MAGEB6: variants seen among roughly 807,000 people sequenced by gnomAD.
MAGEB6 encodes melanoma-associated antigen B6.
For missense variants in MAGEB6, 327 were observed against 329.7 expected, an observed-to-expected ratio of 0.99 and a Z score of 0.06; for synonymous variants, 128 against 136.2, an observed-to-expected ratio of 0.94 and a Z score of 0.42.
In MAGEB6 at chrX:26,194,845, T is replaced by A. The variant is rs759204900; in HGVS notation, c.999T>A (p.Thr333=). Residue 333 remains threonine (T), a synonymous_variant, in exon 2 of 2, where the codon ACT becomes ACA. Transcript: ENST00000379034. The part of the protein sequence containing the change: ...SIYGDARKII[T]EDLVQDKYVV... Reference sequence around the variant, plus strand: ...ATGGGGATGCTCGGAAGATCATTACTGAAGATTTGGTGCAAGATAAGTACG... The same window carrying A: ...ATGGGGATGCTCGGAAGATCATTACAGAAGATTTGGTGCAAGATAAGTACG... The A allele has an allele frequency of 3.3e-5, 40 of 1,209,276 alleles. No individual in the cohort carries two copies. In the Admixed American group the frequency reaches 8.8e-4, roughly 26 times the overall value.
At position 26,194,335 on chromosome X, in the gene MAGEB6, C is replaced by A; in HGVS notation, c.489C>A (p.Gly163=). The A allele has an allele frequency of 8.3e-7, 1 of 1,212,109 alleles. No individual in the cohort carries two copies. Among genetic ancestry groups the A allele is most frequent in the Non-Finnish European group, 1.1e-6 (1 of 895,634 alleles). ...PTGSPDAGVS[G]SKYDVAAEGE... is the part of the protein sequence containing the mutation. The stretch of plus-strand genomic sequence containing the variant: ...GCTCGCCTGATGCAGGTGTTTCAGG[C>A]TCAAAATATGATGTGGCTGCCGAGG... The change falls in exon 2 of 2, where the codon GGC becomes GGA. Residue 163 remains glycine, a synonymous_variant. Coordinates refer to ENST00000379034, the MANE Select transcript of MAGEB6 (RefSeq NM_173523.2).
chrX:26,194,594 G>T lies in MAGEB6; in HGVS notation c.748G>T (p.Val250Phe). 1 of 1,211,591 alleles carries T rather than the reference G, an allele frequency of 8.3e-7. No individual in the cohort carries two copies. Among genetic ancestry groups the T allele is most frequent in the Non-Finnish European group, 1.1e-6 (1 of 895,489 alleles). The change falls in exon 2 of 2, where the codon GTT becomes TTT. Residue 250 changes from valine (V) to phenylalanine (F), a missense_variant. Transcript: ENST00000379034. Reference protein sequence around the residue: ...TSQHLVVAFGVELKEMDSSGE... With the variant: ...TSQHLVVAFGFELKEMDSSGE... ...CCAACATTTGGTGGTGGCCTTTGGC[G>T]TTGAATTGAAAGAAATGGATTCCAG...
rs1157705912 is a variant in MAGEB6 at position 26,195,594 on chromosome X, G to C, written c.*524G>C. The C allele has an allele frequency of 1.6e-5, 2 of 124,361 alleles. No individual in the cohort carries two copies. The highest frequency in any genetic ancestry group is 1.9e-4 in the Admixed American group (2 of 10,749). The allele number at this position is 124,361 out of a possible 1,213,427, so 10.2% of individuals were successfully genotyped here. On this transcript the variant is annotated 3_prime_UTR_variant, in exon 2 of 2. Transcript: ENST00000379034. ...GTTTAATTCTTGGTTTGCCTAATTCGTTTTCCTATTTCTTTTCATACAAAT... is the reference window on the plus strand; with the variant it reads ...GTTTAATTCTTGGTTTGCCTAATTCCTTTTCCTATTTCTTTTCATACAAAT...
Position 26,194,988 on chromosome X carries a change from A to C in MAGEB6, c.1142A>C (p.Asn381Thr). 1 of 1,211,529 alleles carries C rather than the reference A, an allele frequency of 8.3e-7. No individual in the cohort carries two copies. The highest frequency in any genetic ancestry group is 1.1e-6 in the Non-Finnish European group (1 of 895,489). Residue 381 changes from asparagine to threonine, a missense_variant, in exon 2 of 2, where the codon AAC becomes ACC. Coordinates refer to ENST00000379034, the MANE Select transcript of MAGEB6 (RefSeq NM_173523.2). ...CTGCGTGTTTTGGCCGACAGCAGTA[A>C]CACCAGTCCCGGTTTATACCCACAT... The part of the protein sequence containing the change: ...RVLRVLADSS[N>T]TSPGLYPHLY...
rs187176082 is a variant in MAGEB6, at chrX:26,194,523, G to A, written c.677G>A (p.Arg226His). 24 of 1,209,797 alleles carry A rather than the reference G, an allele frequency of 2.0e-5. No individual in the cohort carries two copies. The highest frequency in any genetic ancestry group is 1.6e-4 in the South Asian group (9 of 56,733). Reference sequence around the variant, plus strand: ...AAGGCAGACATGCTGAAGTGTGTCCGCAGAGAGTACAAGCCCTACTTCCCT... The same window carrying A: ...AAGGCAGACATGCTGAAGTGTGTCCACAGAGAGTACAAGCCCTACTTCCCT... ...ILKADMLKCV[R>H]REYKPYFPQI... is the part of the protein sequence containing the mutation. The change falls in exon 2 of 2, where the codon CGC becomes CAC. Residue 226 changes from arginine to histidine, a missense_variant. By Grantham distance (29) the Arg-to-His change is conservative. Coordinates refer to ENST00000379034, the MANE Select transcript of MAGEB6 (RefSeq NM_173523.2).
At position 26,194,414 on chromosome X, in the gene MAGEB6, T is replaced by C. The variant is rs146625385; in HGVS notation, c.568T>C (p.Leu190=). Residue 190 remains leucine, a synonymous_variant, in exon 2 of 2, where the codon TTA becomes CTA. Transcript: ENST00000379034. The part of the protein sequence containing the change: ...ASQKAIIFKR[L]SKDAVKKKAC... ...ACAGAAAGCCATCATTTTTAAGCGCTTAAGCAAAGATGCTGTAAAGAAGAA... is the reference window on the plus strand; with the variant it reads ...ACAGAAAGCCATCATTTTTAAGCGCCTAAGCAAAGATGCTGTAAAGAAGAA... The C allele has an allele frequency of 4.1e-4, 496 of 1,210,580 alleles. 2 individuals carry two copies. The Middle Eastern group carries it at 5.5e-3, about 13-fold the overall frequency.
Position 26,194,519 on chromosome X carries a change from G to C in MAGEB6, c.673G>C (p.Val225Leu), listed in dbSNP as rs776070636. Residue 225 changes from valine to leucine, a missense_variant, in exon 2 of 2, where the codon GTC becomes CTC. Transcript: ENST00000379034. ...SILKADMLKC[V>L]RREYKPYFPQ... ...TTTGAAGGCAGACATGCTGAAGTGT[G>C]TCCGCAGAGAGTACAAGCCCTACTT... The C allele has an allele frequency of 4.1e-6, 5 of 1,210,167 alleles. No homozygotes were observed. Among genetic ancestry groups the C allele is most frequent in the Admixed American group, 2.2e-5 (1 of 45,804 alleles).
Position 26,194,490 on chromosome X carries a change from C to T in MAGEB6, c.644C>T (p.Ser215Phe). ...FLQKKFEKKE[S>F]ILKADMLKCV... Reference sequence around the variant, plus strand: ...CAGAAGAAGTTTGAGAAGAAAGAGTCCATTTTGAAGGCAGACATGCTGAAG... The same window carrying T: ...CAGAAGAAGTTTGAGAAGAAAGAGTTCATTTTGAAGGCAGACATGCTGAAG... Residue 215 changes from serine to phenylalanine, a missense_variant, in exon 2 of 2, where the codon TCC (serine) becomes TTC (phenylalanine). Transcript: ENST00000379034. 1 of 1,211,984 alleles carries T rather than the reference C, an allele frequency of 8.3e-7. No homozygotes were observed. The highest frequency in any genetic ancestry group is 1.1e-6 in the Non-Finnish European group (1 of 895,573).
Position 26,194,412 on chromosome X carries a change from G to A in MAGEB6, c.566G>A (p.Arg189His), listed in dbSNP as rs749932015. The change falls in exon 2 of 2, where the codon CGC becomes CAC. Residue 189 changes from arginine (R) to histidine (H), a missense_variant. Physicochemically the swap from Arg to His is conservative, Grantham distance 29. Transcript: ENST00000379034. Reference sequence around the variant, plus strand: ...TCACAGAAAGCCATCATTTTTAAGCGCTTAAGCAAAGATGCTGTAAAGAAG... The same window carrying A: ...TCACAGAAAGCCATCATTTTTAAGCACTTAAGCAAAGATGCTGTAAAGAAG... ...SASQKAIIFK[R>H]LSKDAVKKKA... 5.0e-6 allele frequency: 6 copies of A among 1,211,848 alleles called. No homozygotes were observed. The South Asian group carries it at 5.3e-5, about 11-fold the overall frequency.
rs750400525 is a variant in MAGEB6 at position 26,194,694 on chromosome X, C to T, written c.848C>T (p.Pro283Leu). Residue 283 changes from proline to leucine, a missense_variant, in exon 2 of 2, where the codon CCG becomes CTG. Transcript: ENST00000379034. The stretch of plus-strand genomic sequence containing the variant: ...ATTCTGAGTGGTGATAATGCGCTGC[C>T]GAAGTCGGGTCTCCTGATGTCGCTC... The part of the protein sequence containing the change: ...EGILSGDNAL[P>L]KSGLLMSLLV... The T allele has an allele frequency of 3.3e-6, 4 of 1,209,135 alleles. No homozygotes were observed. The highest frequency in any genetic ancestry group is 2.2e-5 in the Admixed American group (1 of 45,664).
chrX:26,195,398 T>TA lies in MAGEB6; in HGVS notation c.*329dup, dbSNP rs927392662. The TA allele has an allele frequency of 9.6e-6, 2 of 209,316 alleles. No homozygotes were observed. The highest frequency in any genetic ancestry group is 1.9e-5 in the Non-Finnish European group (2 of 107,957). 17.2% of individuals were successfully genotyped at this position (209,316 alleles called of 1,213,427 possible). A position where few individuals can be genotyped will look rare whatever the true frequency, so the allele number is the denominator to read the frequency against. On this transcript the variant is annotated 3_prime_UTR_variant, in exon 2 of 2. Transcript: ENST00000379034. ...ATGGCTGTTTAACCAATCTGAAAGTTACGGTTTGGGAATTAATAAAACAAA... is the reference window on the plus strand; with the variant it reads ...ATGGCTGTTTAACCAATCTGAAAGTTAACGGTTTGGGAATTAATAAAACAAA...
rs576906199 is a variant in MAGEB6 at position 26,194,384 on chromosome X, G to A, written c.538G>A (p.Ala180Thr). Residue 180 changes from alanine (A) to threonine (T), a missense_variant, in exon 2 of 2, where the codon GCC (alanine) becomes ACC (threonine). Physicochemically the swap from Ala to Thr is moderately conservative, Grantham distance 58. Transcript: ENST00000379034. ...AEGEDEESVS[A>T]SQKAIIFKRL... is the part of the protein sequence containing the mutation. ...GGGTGAAGATGAGGAAAGTGTAAGC[G>A]CCTCACAGAAAGCCATCATTTTTAA... The A allele has an allele frequency of 3.1e-4, 372 of 1,210,528 alleles. 3 individuals carry two copies. In the South Asian group the frequency reaches 5.7e-3, roughly 19 times the overall value.
chrX:26,195,058 A>G lies in MAGEB6; in HGVS notation c.1212A>G (p.Arg404=), dbSNP rs150840438. ...ALIDEVERAL[R]LRA ...TAGATGAGGTAGAGAGAGCATTGAG[A>G]CTGAGAGCTTAAGGCAGGGCTGGCA... Residue 404 remains arginine (R), a synonymous_variant, in exon 2 of 2, where the codon AGA becomes AGG. Transcript: ENST00000379034. 1 of 1,205,447 alleles carries G rather than the reference A, an allele frequency of 8.3e-7. No homozygotes were observed. The highest frequency in any genetic ancestry group is 1.8e-5 in the African/African-American group (1 of 56,822).
Position 26,193,900 on chromosome X carries a change from C to A in MAGEB6, c.54C>A (p.Thr18=). Residue 18 remains threonine, a synonymous_variant, in exon 2 of 2, where the codon ACC becomes ACA. Transcript: ENST00000379034. ...KLRTCEKRQE[T]NGQPQGLTGP... is the part of the protein sequence containing the mutation. ...GTACCTGTGAGAAACGCCAAGAGACCAATGGTCAGCCACAGGGTCTCACGG... is the reference window on the plus strand; with the variant it reads ...GTACCTGTGAGAAACGCCAAGAGACAAATGGTCAGCCACAGGGTCTCACGG... 8.4e-7 allele frequency: 1 copy of A among 1,195,274 alleles called. No homozygotes were observed. The highest frequency in any genetic ancestry group is 1.1e-6 in the Non-Finnish European group (1 of 887,020).
Position 26,194,119 on chromosome X carries a change from GAAA to G in MAGEB6, c.275_277del (p.Lys92del). The G allele has an allele frequency of 2.5e-6, 3 of 1,201,565 alleles. No homozygotes were observed. The highest frequency in any genetic ancestry group is 2.2e-6 in the Non-Finnish European group (2 of 889,372). ...ATGTGGCTGCCAACGGCCAAGATGA[GAAA>G]AGTCCAAGCACCTCCCGTGATGCCT... On this transcript the variant is annotated inframe_deletion, in exon 2 of 2. Coordinates refer to ENST00000379034, the MANE Select transcript of MAGEB6 (RefSeq NM_173523.2).
At position 26,194,170 on chromosome X, in the gene MAGEB6, A is replaced by C. The variant is rs1228719827; in HGVS notation, c.324A>C (p.Gly108=). Residue 108 remains glycine (G), a synonymous_variant, in exon 2 of 2, where the codon GGA becomes GGC. Coordinates refer to ENST00000379034, the MANE Select transcript of MAGEB6 (RefSeq NM_173523.2). The part of the protein sequence containing the change: ...RDASVPQESQ[G]ASPTGSPDAG... ...CCTCCGTTCCTCAGGAGTCTCAGGG[A>C]GCTTCACCCACTGGCTCTCCTGATG... 2.6e-6 allele frequency: 3 copies of C among 1,168,872 alleles called. No individual in the cohort carries two copies. The highest frequency in any genetic ancestry group is 3.5e-6 in the Non-Finnish European group (3 of 866,326).
In MAGEB6 at chrX:26,195,613, T is replaced by C. The variant is rs1179545545; in HGVS notation, c.*543T>C. The C allele has an allele frequency of 1.6e-5, 2 of 124,616 alleles. No homozygotes were observed. The highest frequency in any genetic ancestry group is 6.5e-5 in the African/African-American group (2 of 30,915). 10.3% of individuals were successfully genotyped at this position (124,616 alleles called of 1,213,427 possible). On this transcript the variant is annotated 3_prime_UTR_variant, in exon 2 of 2. Coordinates refer to ENST00000379034, the MANE Select transcript of MAGEB6 (RefSeq NM_173523.2). ...TAATTCGTTTTCCTATTTCTTTTCA[T>C]ACAAATAAAGGATACCTGGATTTAT...
At chrX:26,192,905 C>G (rs1372089335) in intron 1 of MAGEB6, among the ~76,000 whole-genome samples, 8 of 111,454 alleles carry the variant, frequency 7.2e-5, no homozygotes, top group Non-Finnish European at 1.3e-4. Flanking sequence ...CACTTTGTCC[C>G]TGTGAGAGTC....
At position 26,193,963 on chromosome X, in the gene MAGEB6, C is replaced by A; in HGVS notation, c.117C>A (p.His39Gln). ...QATAEKQEES[H>Q]SSSSSSRACL... ...CTGCAGAGAAGCAGGAAGAGTCCCA[C>A]TCTTCCTCATCCTCTTCTCGCGCTT... Residue 39 changes from histidine (H) to glutamine (Q), a missense_variant, in exon 2 of 2, where the codon CAC becomes CAA. Coordinates refer to ENST00000379034, the MANE Select transcript of MAGEB6 (RefSeq NM_173523.2). The A allele has an allele frequency of 8.3e-7, 1 of 1,211,643 alleles. No homozygotes were observed.
Sources: gnomAD v4.1 joint callset for allele counts (sites outside exome capture counted in the v4.1 genomes callset) on GRCh38, gnomAD v4.1.1 for gene constraint, MANE v1.5 for transcripts, NCBI Gene and HGNC (gene_info 2026-07-23, HGNC 2026-07-21) for gene names.